Variants in RASGRP3 observed in about 807,000 individuals in gnomAD.
RASGRP3 encodes the protein ras guanyl-releasing protein 3.
Under a neutral mutation model 82.7 loss-of-function variants are expected in RASGRP3, and 54 were observed. That is an observed-to-expected ratio of 0.65 (90% CI 0.52 to 0.82). RASGRP3 has a LOEUF of 0.82. Among genes scored for constraint, RASGRP3 ranks in the 40% least tolerant of loss-of-function variants. RASGRP3 has a pLI of 0.00. For synonymous variants in RASGRP3, 309 were observed against 300.5 expected, an observed-to-expected ratio of 1.03 and a Z score of -0.29; for missense variants, 861 against 828.9, an observed-to-expected ratio of 1.04 and a Z score of -0.48.
intron 1 of RASGRP3, among the ~76,000 whole-genome samples, chr2:33,509,456 G>A (rs529023275): frequency 9.2e-4 from 140 of 151,608 alleles, no homozygotes; most frequent in Admixed American, 2.0e-3. Flanking sequence ...ATGGCTTCCC[G>A]TTGCCCTTTG....
chr2:33,488,954 A>ATT (rs5830263), intron 1 of RASGRP3, among the ~76,000 whole-genome samples: 5 of 147,280 alleles, frequency 3.4e-5, no homozygotes, highest in South Asian at 4.3e-4. Flanking sequence ...GGTTTGACCG[A>ATT]TTTTTTTTTT....
intron 1 of RASGRP3, among the ~76,000 whole-genome samples, chr2:33,495,697 G>A (rs1163695585): frequency 6.6e-6 from 1 of 152,202 alleles, no homozygotes; most frequent in African/African-American, 2.4e-5. Flanking sequence ...TCTGAGACCA[G>A]TCAGGGAAAC....
At position 33,527,242 on chromosome 2, in the gene RASGRP3, C is replaced by T; in HGVS notation, c.913C>T (p.His305Tyr). The T allele has an allele frequency of 1.9e-6, 3 of 1,614,024 alleles. No homozygotes were observed. The highest frequency in any genetic ancestry group is 2.2e-5 in the East Asian group (1 of 44,886). Residue 305 changes from histidine (H) to tyrosine (Y), a missense_variant, in exon 10 of 18, where the codon CAC (histidine) becomes TAC (tyrosine). His to Tyr is a moderately conservative substitution (Grantham distance 83, BLOSUM62 2). Transcript: ENST00000403687. ...CTTCAAAATCCCCATCCTTGGAGTA[C>T]ACTTGAAAGACTTGATAGCTGTCCA... ...DGFKIPILGV[H>Y]LKDLIAVHVI... is the part of the protein sequence containing the mutation.
intron 1 of RASGRP3, among the ~76,000 whole-genome samples, chr2:33,446,138 A>G (rs920382250): frequency 6.6e-6 from 1 of 152,044 alleles, no homozygotes; most frequent in African/African-American, 2.4e-5. Flanking sequence ...GTTCCCAAAT[A>G]GGGTAATTTT....
chr2:33,524,004 C>G lies in RASGRP3; in HGVS notation c.642C>G (p.Thr214=), dbSNP rs763084336. Residue 214 remains threonine, a synonymous_variant, in exon 8 of 18, where the codon ACC becomes ACG. Coordinates refer to ENST00000403687, the MANE Select transcript of RASGRP3 (RefSeq NM_001139488.2). ...WVQLMVLSKP[T]PQQRAEVITK... is the part of the protein sequence containing the mutation. ...AGTTGATGGTTCTTAGCAAACCAAC[C>G]CCCCAGCAAAGGGCAGAAGTCATCA... The G allele has an allele frequency of 6.2e-7, 1 of 1,613,676 alleles. No individual in the cohort carries two copies. Among genetic ancestry groups the G allele is most frequent in the African/African-American group, 1.3e-5 (1 of 74,856 alleles).
At chr2:33,494,874 G>A (rs1227305483) in intron 1 of RASGRP3, among the ~76,000 whole-genome samples, 6 of 152,164 alleles carry the variant, frequency 3.9e-5, no homozygotes, top group African/African-American at 7.2e-5. Flanking sequence ...GACATTTAGA[G>A]GATATTACAA....
intron 17 of RASGRP3, among the ~76,000 whole-genome samples, chr2:33,560,558 C>T (rs1197857975): frequency 6.6e-6 from 1 of 152,168 alleles, no homozygotes; most frequent in East Asian, 1.9e-4. Flanking sequence ...ACAGATTCTC[C>T]TGGGGGGTAT....
rs186910578 is a variant in RASGRP3, at chr2:33,459,284, G to A, written c.-261+11341G>A. ...CGAGTAGCTGGGACTACAGGCGCCCGCCACCACGCCCTGCTAATTTTTTGT... is the reference window on the plus strand; with the variant it reads ...CGAGTAGCTGGGACTACAGGCGCCCACCACCACGCCCTGCTAATTTTTTGT... On this transcript the variant is annotated intron_variant, in intron 2 of 18. Coordinates refer to the RASGRP3 transcript ENST00000402538. Among the ~76,000 whole-genome samples, 243 of 152,104 alleles carry A rather than the reference G, an allele frequency of 1.6e-3. 1 individual carries two copies. Among genetic ancestry groups the A allele is most frequent in the African/African-American group, 4.9e-3 (203 of 41,498 alleles).
At chr2:33,472,183 A>G (rs1177679604), upstream of RASGRP3, among the ~76,000 whole-genome samples, 1 of 152,226 alleles carries the variant, frequency 6.6e-6, no homozygotes, top group Non-Finnish European at 1.5e-5. Flanking sequence ...CATGCCAGGC[A>G]TTGTATTAGG....
At chr2:33,491,821 A>G (rs1189974585) in intron 1 of RASGRP3, among the ~76,000 whole-genome samples, 1 of 152,256 alleles carries the variant, frequency 6.6e-6, no homozygotes. Context: ...GTGCCAGGTG[A>G]GGCTGGTGGA....
intron 2 of RASGRP3, among the ~76,000 whole-genome samples, chr2:33,513,209 G>A (rs1671107326): frequency 1.3e-5 from 2 of 152,210 alleles, no homozygotes; most frequent in South Asian, 4.1e-4. Context: ...TGTTCTAAGA[G>A]TGGTACCTTC....
chr2:33,447,105 C>CA (rs1161927671), intron 1 of RASGRP3, among the ~76,000 whole-genome samples: 3,088 of 58,544 alleles, frequency 0.053, 90 homozygotes, highest in African/African-American at 0.11. Flanking sequence ...GACTCCGTCT[C>CA]AAAAAAAAAA....
intron 2 of RASGRP3, among the ~76,000 whole-genome samples, chr2:33,513,256 G>A (rs967480474): frequency 5.3e-5 from 8 of 152,196 alleles, no homozygotes; most frequent in African/African-American, 1.9e-4. Flanking sequence ...AATTAATAGA[G>A]GGCAAACATT....
chr2:33,450,532 A>C (rs1289637158), intron 2 of RASGRP3, among the ~76,000 whole-genome samples: 1 of 152,128 alleles, frequency 6.6e-6, no homozygotes, highest in Non-Finnish European at 1.5e-5. Context: ...AGGTTTATCC[A>C]TGTTGTTGCA....
intron 1 of RASGRP3, chr2:33,492,941 C>T (rs1668984039): frequency 6.6e-6 from 1 of 152,180 alleles, no homozygotes; most frequent in East Asian, 1.9e-4. Flanking sequence ...GCCAGTAGTA[C>T]CACGCCTGGC....
At chr2:33,439,379 A>G (rs1665099434) in intron 1 of RASGRP3, among the ~76,000 whole-genome samples, 1 of 152,092 alleles carries the variant, frequency 6.6e-6, no homozygotes, top group Non-Finnish European at 1.5e-5. Flanking sequence ...AGGAGAGCTG[A>G]TGGATGAGGG....
At chr2:33,500,408 G>C (rs933270494) in intron 1 of RASGRP3, among the ~76,000 whole-genome samples, 1 of 152,164 alleles carries the variant, frequency 6.6e-6, no homozygotes, top group Non-Finnish European at 1.5e-5. Context: ...AGCCATTGCG[G>C]TGGGCCAGGG....
rs186947804 is a variant in RASGRP3, at chr2:33,487,346, C to T, written c.-261+10639C>T. Among the ~76,000 whole-genome samples the T allele has an allele frequency of 4.5e-4, 68 of 152,210 alleles. No individual in the cohort carries two copies. In the East Asian group the frequency reaches 0.012, roughly 26 times the overall value. On this transcript the variant is annotated intron_variant, in intron 1 of 17. Coordinates refer to ENST00000403687, the MANE Select transcript of RASGRP3 (RefSeq NM_001139488.2). ...AAAAATACCAAATACCAAAAGAAGACTTCAAAGATAGGTTTGAACAAAGAC... is the reference window on the plus strand; with the variant it reads ...AAAAATACCAAATACCAAAAGAAGATTTCAAAGATAGGTTTGAACAAAGAC...
chr2:33,558,177 A>G (rs1259469771), intron 15 of RASGRP3, 34 bp from the exon 16 acceptor site: 8 of 1,600,246 alleles, frequency 5.0e-6, no homozygotes, highest in African/African-American at 1.3e-5. Context: ...CATCAGACAC[A>G]CTAATCATCT....
Sources: gnomAD v4.1 joint callset for allele counts (sites outside exome capture counted in the v4.1 genomes callset) on GRCh38, gnomAD v4.1.1 for gene constraint, MANE v1.5 for transcripts, NCBI Gene and HGNC (gene_info 2026-07-23, HGNC 2026-07-21) for gene names.